MECOM: variants seen among roughly 807,000 people sequenced by gnomAD.
The protein encoded by MECOM is histone-lysine N-methyltransferase MECOM.
Under a neutral mutation model 116.3 loss-of-function variants are expected in MECOM, and 13 were observed. That is an observed-to-expected ratio of 0.11 (90% CI 0.07 to 0.18). MECOM has a LOEUF of 0.18. Among genes scored for constraint, MECOM ranks in the 10% least tolerant of loss-of-function variants. MECOM has a pLI of 1.00. For missense variants in MECOM, 1,299 were observed against 1,509.0 expected, an observed-to-expected ratio of 0.86 and a Z score of 2.31; for synonymous variants, 528 against 535.2, an observed-to-expected ratio of 0.99 and a Z score of 0.19.
intron 2 of MECOM, among the ~76,000 whole-genome samples, chr3:169,271,596 C>G (rs575903582): frequency 6.6e-6 from 1 of 152,036 alleles, no homozygotes; most frequent in Non-Finnish European, 1.5e-5. Context: ...CATCACACAC[C>G]GGGGCCTGTG....
At chr3:169,166,262 G>T (rs1478567576) in intron 2 of MECOM, among the ~76,000 whole-genome samples, 1 of 152,072 alleles carries the variant, frequency 6.6e-6, no homozygotes, top group Non-Finnish European at 1.5e-5. Flanking sequence ...ATGTACACTG[G>T]AACAATAATA....
chr3:169,572,673 G>T (rs1238284745), intron 1 of MECOM, among the ~76,000 whole-genome samples: 3 of 152,088 alleles, frequency 2.0e-5, no homozygotes, highest in Non-Finnish European at 4.4e-5. Context: ...TAAAAAGGAT[G>T]CAGGGACATG....
chr3:169,335,338 A>G (rs923649027), intron 2 of MECOM, among the ~76,000 whole-genome samples: 1 of 152,162 alleles, frequency 6.6e-6, no homozygotes, highest in African/African-American at 2.4e-5. Context: ...GAACTAGGAA[A>G]GAAGGCATTT....
At chr3:169,289,939 CT>C (rs1252986843) in intron 2 of MECOM, among the ~76,000 whole-genome samples, 1 of 152,170 alleles carries the variant, frequency 6.6e-6, no homozygotes, top group African/African-American at 2.4e-5. Flanking sequence ...GAGCCCACCT[CT>C]GGGACATGAC....
intron 2 of MECOM, among the ~76,000 whole-genome samples, chr3:169,183,156 A>G (rs1232833879): frequency 6.6e-6 from 1 of 152,208 alleles, no homozygotes; most frequent in African/African-American, 2.4e-5. Flanking sequence ...ACATAGTAAC[A>G]AAGGCAAGTT....
intron 1 of MECOM, among the ~76,000 whole-genome samples, chr3:169,601,201 C>T (rs1328190992): frequency 6.6e-6 from 1 of 152,192 alleles, no homozygotes; most frequent in Non-Finnish European, 1.5e-5. Flanking sequence ...TTTTATAAGC[C>T]TTTTCCCTGT....
At position 169,520,068 on chromosome 3, in the gene MECOM, T is replaced by G. The variant is rs748785174; in HGVS notation, c.38-138544A>C. Among the ~76,000 whole-genome samples the G allele has an allele frequency of 3.3e-5, 5 of 152,342 alleles. No homozygotes were observed. The East Asian group carries it at 5.8e-4, about 18-fold the overall frequency. ...CTGGGAAAGAGAAAAGCTTTTCTTA[T>G]TAGTTTGGAGCTGCCCAGAACCACA... On this transcript the variant is annotated intron_variant, in intron 1 of 16. Coordinates refer to ENST00000651503, the MANE Select transcript of MECOM (RefSeq NM_004991.4).
intron 1 of MECOM, among the ~76,000 whole-genome samples, chr3:169,550,861 T>C (rs1761303118): frequency 1.1e-5 from 1 of 87,852 alleles, no homozygotes; most frequent in Non-Finnish European, 2.4e-5. Context: ...TCTCGCTCTG[T>C]CGCCCAGGCT....
At chr3:169,100,715 C>T (rs1723289038) in intron 12 of MECOM, among the ~76,000 whole-genome samples, 170 bp downstream of exon 12, 1 of 151,958 alleles carries the variant, frequency 6.6e-6, no homozygotes, top group African/African-American at 2.4e-5. Flanking sequence ...TAATTTTGAT[C>T]CTAGCCATTA....
intron 2 of MECOM, among the ~76,000 whole-genome samples, chr3:169,366,118 A>C (rs776780777): frequency 6.6e-6 from 1 of 151,952 alleles, no homozygotes; most frequent in Non-Finnish European, 1.5e-5. Flanking sequence ...CCCACCCTTC[A>C]TTAAGGCTAG....
chr3:169,152,007 T>C (rs1741238609), intron 2 of MECOM, among the ~76,000 whole-genome samples: 1 of 151,638 alleles, frequency 6.6e-6, no homozygotes, highest in African/African-American at 2.4e-5. Flanking sequence ...ATATTCTGTT[T>C]AATTTTAATA....
chr3:169,372,259 C>T (rs994271702), intron 2 of MECOM, among the ~76,000 whole-genome samples: 5 of 152,040 alleles, frequency 3.3e-5, no homozygotes, highest in South Asian at 2.1e-4. Flanking sequence ...AACACAAAGC[C>T]GGGTCTGGCA....
intron 1 of MECOM, among the ~76,000 whole-genome samples, chr3:169,420,973 A>G (rs1362959187): frequency 6.6e-6 from 1 of 152,136 alleles, no homozygotes; most frequent in Non-Finnish European, 1.5e-5. Flanking sequence ...CTAACATTCC[A>G]TAGAATATTA....
intron 1 of MECOM, chr3:169,477,151 A>G (rs1750620224): frequency 2.8e-5 from 1 of 35,890 alleles, no homozygotes; most frequent in African/African-American, 9.2e-5. Flanking sequence ...ATATATATAC[A>G]CACACACACA....
intron 2 of MECOM, among the ~76,000 whole-genome samples, chr3:169,234,692 T>C (rs1753818341): frequency 6.6e-6 from 1 of 152,208 alleles, no homozygotes; most frequent in African/African-American, 2.4e-5. Context: ...TTCTCTTTTG[T>C]CATTGGCTGT....
At chr3:169,219,492 G>A (rs1751846861) in intron 2 of MECOM, among the ~76,000 whole-genome samples, 1 of 152,196 alleles carries the variant, frequency 6.6e-6, no homozygotes, top group African/African-American at 2.4e-5. Context: ...GGGCGACAGA[G>A]CGAGACTCCG....
chr3:169,115,460 G>A lies in MECOM; in HGVS notation c.2412C>T (p.Asn804=), dbSNP rs140021434. 6.2e-6 allele frequency: 10 copies of A among 1,614,110 alleles called. No individual in the cohort carries two copies. The highest frequency in any genetic ancestry group is 2.2e-5 in the South Asian group (2 of 91,060). ...CATCTGAAGCAGGTCTTGATTCGAC[G>A]TTGCTTCCTTTTTTTCCCCCAAACA... The part of the protein sequence containing the change: ...NHVFGGKKGS[N]VESRPASDGS... The change falls in exon 8 of 17, where the codon AAC becomes AAT. Residue 804 remains asparagine, a synonymous_variant. Coordinates refer to ENST00000651503, the MANE Select transcript of MECOM (RefSeq NM_004991.4).
At chr3:169,482,328 C>CTTTTTTTTTTTTTCTTT (rs1751421214) in intron 1 of MECOM, among the ~76,000 whole-genome samples, 1 of 108,396 alleles carries the variant, frequency 9.2e-6, no homozygotes, top group East Asian at 2.7e-4. Flanking sequence ...AACCCACGTT[C>CTTTTTTTTTTTTTCTTT]TTTTTTTTTT....
chr3:169,377,921 C>G (rs979274611), intron 2 of MECOM, among the ~76,000 whole-genome samples: 2 of 152,046 alleles, frequency 1.3e-5, no homozygotes, highest in Non-Finnish European at 2.9e-5. Context: ...TGGAACCAAC[C>G]CAAATGCCCA....
Sources: gnomAD v4.1 joint callset for allele counts (sites outside exome capture counted in the v4.1 genomes callset) on GRCh38, gnomAD v4.1.1 for gene constraint, MANE v1.5 for transcripts, NCBI Gene and HGNC (gene_info 2026-07-23, HGNC 2026-07-21) for gene names.